Variants in SOX5 observed in about 807,000 individuals in gnomAD.
SOX5 encodes SRY-box transcription factor 5.
SOX5 carries 9 observed loss-of-function variants against 92.0 expected under a neutral mutation model. The ratio of observed to expected loss-of-function variants is 0.10; its 90% CI spans 0.06 to 0.17. The LOEUF (loss-of-function observed/expected upper bound fraction) is 0.17. Among genes scored for constraint, SOX5 ranks in the 10% least tolerant of loss-of-function variants. SOX5 has a pLI of 1.00. For missense variants in SOX5, 642 were observed against 944.5 expected, an observed-to-expected ratio of 0.68 and a Z score of 4.20; for synonymous variants, 344 against 336.3, an observed-to-expected ratio of 1.02 and a Z score of -0.25.
intron 3 of SOX5, among the ~76,000 whole-genome samples, chr12:24,267,500 C>T (rs1943169370): frequency 6.6e-6 from 1 of 152,130 alleles, no homozygotes; most frequent in Non-Finnish European, 1.5e-5. Flanking sequence ...TTTAACCTCA[C>T]TTATGTATGC....
At chr12:24,238,044 G>T (rs973465922) in intron 3 of SOX5, 4 of 152,088 alleles carry the variant, frequency 2.6e-5, no homozygotes, top group Admixed American at 1.3e-4. Context: ...TATAATCAAG[G>T]TACCAAGAAT....
At chr12:24,338,738 T>G (rs1470299776) in intron 2 of SOX5, among the ~76,000 whole-genome samples, 1 of 152,134 alleles carries the variant, frequency 6.6e-6, no homozygotes, top group Admixed American at 6.5e-5. Context: ...AGTGAATAAA[T>G]CTCATGGGAT....
chr12:23,964,770 T>C (rs1160703726), intron 4 of SOX5, among the ~76,000 whole-genome samples: 1 of 152,242 alleles, frequency 6.6e-6, no homozygotes, highest in East Asian at 1.9e-4. Flanking sequence ...TAAATGTGTG[T>C]TTGTTCATAT....
intron 1 of SOX5, among the ~76,000 whole-genome samples, chr12:24,550,089 A>C (rs988759429): frequency 6.6e-6 from 1 of 152,242 alleles, no homozygotes; most frequent in East Asian, 1.9e-4. Context: ...TTTGCTAGCT[A>C]TGCTACTTTG....
At chr12:24,480,536 A>G (rs1278285908) in intron 1 of SOX5, among the ~76,000 whole-genome samples, 1 of 152,226 alleles carries the variant, frequency 6.6e-6, no homozygotes, top group Non-Finnish European at 1.5e-5. Flanking sequence ...ACCAGAATAT[A>G]TAAGGAGTTC....
chr12:23,809,130 C>T (rs957444409), intron 3 of SOX5, among the ~76,000 whole-genome samples: 4 of 152,006 alleles, frequency 2.6e-5, no homozygotes, highest in African/African-American at 9.7e-5. Context: ...ACCACACGTA[C>T]ACACACAAAC....
At chr12:23,825,579 T>C in intron 3 of SOX5, among the ~76,000 whole-genome samples, 1 of 152,218 alleles carries the variant, frequency 6.6e-6, no homozygotes, top group East Asian at 1.9e-4. Context: ...TGTATGCGTG[T>C]ATTTATTCAG....
At position 24,433,176 on chromosome 12, in the gene SOX5, G is replaced by A. The variant is rs554398172; in HGVS notation, c.-250-64537C>T. On this transcript the variant is annotated intron_variant, in intron 1 of 4. Transcript: ENST00000446891. Reference sequence around the variant, plus strand: ...CCCTGACATGATTTTATGGCTTACAGTATAAATAAAAGAGGGCTGAAAATT... The same window carrying A: ...CCCTGACATGATTTTATGGCTTACAATATAAATAAAAGAGGGCTGAAAATT... Among the ~76,000 whole-genome samples, 41 of 152,278 alleles carry A rather than the reference G, an allele frequency of 2.7e-4. No homozygotes were observed. The South Asian group carries it at 2.9e-3, about 11-fold the overall frequency.
chr12:23,729,681 G>A (rs1336509087), intron 6 of SOX5, among the ~76,000 whole-genome samples: 4 of 152,072 alleles, frequency 2.6e-5, no homozygotes, highest in African/African-American at 9.7e-5. Flanking sequence ...GGGAAATGGG[G>A]TAAATTTTTG....
intron 3 of SOX5, among the ~76,000 whole-genome samples, chr12:23,767,050 A>C (rs1437591117): frequency 6.6e-6 from 1 of 152,046 alleles, no homozygotes; most frequent in Non-Finnish European, 1.5e-5. Flanking sequence ...TCTCTATCAC[A>C]ATCAAAACTA....
At position 24,197,886 on chromosome 12, in the gene SOX5, G is replaced by C. The variant is rs1213150623; in HGVS notation, c.-2+15457C>G. ...CTAAGTGATAGGGACTCACAGTTTGGTGTCAAATAAAATCCTGGTCTGCCC... is the reference window on the plus strand; with the variant it reads ...CTAAGTGATAGGGACTCACAGTTTGCTGTCAAATAAAATCCTGGTCTGCCC... On this transcript the variant is annotated intron_variant, in intron 4 of 4. Coordinates refer to the SOX5 transcript ENST00000446891. 2.6e-5 allele frequency among the ~76,000 whole-genome samples: 4 copies of C among 152,150 alleles called. No individual in the cohort carries two copies. In the East Asian group the frequency reaches 7.7e-4, roughly 29 times the overall value.
intron 10 of SOX5, among the ~76,000 whole-genome samples, chr12:23,575,452 C>A (rs886945935): frequency 2.6e-5 from 4 of 152,188 alleles, no homozygotes; most frequent in African/African-American, 9.7e-5. Context: ...ATAACCTACA[C>A]AATTAGATTT....
chr12:24,034,035 C>T (rs1430413217), intron 4 of SOX5, among the ~76,000 whole-genome samples: 2 of 151,922 alleles, frequency 1.3e-5, no homozygotes, highest in Admixed American at 1.3e-4. Flanking sequence ...ATCAAAGACA[C>T]CAAATTTAGG....
At chr12:23,658,260 T>C (rs1432472959) in intron 7 of SOX5, among the ~76,000 whole-genome samples, 2 of 152,312 alleles carry the variant, frequency 1.3e-5, no homozygotes, top group South Asian at 4.1e-4. Context: ...GTCAACTCCA[T>C]TTTCAATCAA....
intron 2 of SOX5, among the ~76,000 whole-genome samples, chr12:23,883,892 A>G (rs1211178971): frequency 1.3e-5 from 2 of 152,198 alleles, no homozygotes; most frequent in Admixed American, 6.5e-5. Flanking sequence ...TGACTGAGAG[A>G]TAATATCTCA....
intron 4 of SOX5, among the ~76,000 whole-genome samples, chr12:24,110,818 G>A (rs1022447123): frequency 1.4e-5 from 2 of 146,382 alleles, no homozygotes; most frequent in African/African-American, 2.5e-5. Context: ...GAAGGATGGC[G>A]TGAACCCAGG....
At chr12:24,236,742 T>C (rs1964582795) in intron 3 of SOX5, among the ~76,000 whole-genome samples, 1 of 152,204 alleles carries the variant, frequency 6.6e-6, no homozygotes, top group Admixed American at 6.5e-5. Context: ...TCAGTTCTTG[T>C]TTCCAGTTCT....
intron 4 of SOX5, among the ~76,000 whole-genome samples, chr12:24,088,750 T>C (rs979941492): frequency 6.6e-6 from 1 of 152,050 alleles, no homozygotes; most frequent in Non-Finnish European, 1.5e-5. Context: ...ATTCTTAAAC[T>C]TTTCCAATTC....
intron 1 of SOX5, among the ~76,000 whole-genome samples, chr12:24,477,509 C>T (rs1945526093): frequency 1.3e-5 from 2 of 152,120 alleles, no homozygotes; most frequent in Admixed American, 6.6e-5. Context: ...AAATTTACCA[C>T]CTGAATGTTG....
Sources: gnomAD v4.1 joint callset for allele counts (sites outside exome capture counted in the v4.1 genomes callset) on GRCh38, gnomAD v4.1.1 for gene constraint, MANE v1.5 for transcripts, NCBI Gene and HGNC (gene_info 2026-07-23, HGNC 2026-07-21) for gene names.